PRIM2: variants seen among roughly 807,000 people sequenced by gnomAD.
PRIM2 encodes DNA primase subunit 2.
Under a neutral mutation model 67.3 loss-of-function variants are expected in PRIM2, and 39 were observed. The observed-to-expected ratio is 0.58, with a 90% CI of 0.45 to 0.76. PRIM2 has a LOEUF of 0.76. Among genes scored for constraint, PRIM2 ranks in the 30% least tolerant of loss-of-function variants. PRIM2 has a pLI of 0.00. For missense variants in PRIM2, 398 were observed against 598.7 expected, an observed-to-expected ratio of 0.66 and a Z score of 3.50; for synonymous variants, 143 against 198.7, an observed-to-expected ratio of 0.72 and a Z score of 2.36.
intron 7 of PRIM2, among the ~76,000 whole-genome samples, chr6:57,398,185 CTT>C (rs1770588781): frequency 6.6e-6 from 1 of 152,056 alleles, no homozygotes; most frequent in African/African-American, 2.4e-5. Context: ...GTCTCGATCT[CTT>C]GACCTCATGA....
At position 57,411,217 on chromosome 6, in the gene PRIM2, G is replaced by A. The variant is rs1301494608; in HGVS notation, c.693+29049G>A. On this transcript the variant is annotated intron_variant, in intron 7 of 13. Transcript: ENST00000615550. The stretch of plus-strand genomic sequence containing the variant: ...CCTCCATCAGTAAAAGCTCCCTGAG[G>A]CCTCCCCAGATGCAGATGTCGCTAT... 2.2e-4 allele frequency among the ~76,000 whole-genome samples: 33 copies of A among 152,006 alleles called. 1 individual carries two copies. The highest frequency in any genetic ancestry group is 2.0e-3 in the Admixed American group (30 of 15,254).
At chr6:57,494,214 C>T (rs1431836349) in intron 7 of PRIM2, among the ~76,000 whole-genome samples, 74 of 152,280 alleles carry the variant, frequency 4.9e-4, no homozygotes, top group Non-Finnish European at 9.0e-4. Context: ...CTACATCCTT[C>T]CTGCTTGCAG....
chr6:57,272,572 C>A, the PRIM2 span, among the ~76,000 whole-genome samples: 9 of 152,128 alleles, frequency 5.9e-5, no homozygotes, highest in Admixed American at 3.3e-4. Context: ...GTTCTTGACT[C>A]TTTATCCAAT....
chr6:57,285,000 T>C, the PRIM2 span, among the ~76,000 whole-genome samples: 4 of 151,394 alleles, frequency 2.6e-5, no homozygotes, highest in East Asian at 7.7e-4. Context: ...AACACCTCTA[T>C]GCAAATAAAC....
intron 7 of PRIM2, among the ~76,000 whole-genome samples, chr6:57,491,564 G>A (rs1773891129): frequency 6.6e-6 from 1 of 152,056 alleles, no homozygotes; most frequent in African/African-American, 2.4e-5. Flanking sequence ...ATTGCAGTAT[G>A]TATTTTTTAG....
intron 10 of PRIM2, among the ~76,000 whole-genome samples, chr6:57,562,184 A>C (rs1339899241): frequency 6.6e-6 from 1 of 152,178 alleles, no homozygotes; most frequent in Non-Finnish European, 1.5e-5. Context: ...CATAATAATA[A>C]AATATATAGA....
At chr6:57,377,855 A>G (rs1326190046) in intron 5 of PRIM2, among the ~76,000 whole-genome samples, 1 of 151,896 alleles carries the variant, frequency 6.6e-6, no homozygotes, top group Non-Finnish European at 1.5e-5. Context: ...ATTTAGTGAT[A>G]TAAAACAACA....
chr6:57,634,794 T>C (rs1777091909), intron 13 of PRIM2, among the ~76,000 whole-genome samples: 1 of 152,206 alleles, frequency 6.6e-6, no homozygotes, highest in African/African-American at 2.4e-5. Flanking sequence ...TGCCAATTTT[T>C]AAAACTTGCT....
In PRIM2 at chr6:57,474,609, G is replaced by T. The variant is rs1773430195; in HGVS notation, c.694-32778G>T. The stretch of plus-strand genomic sequence containing the variant: ...GTGGCGGGTATTCCTAAATGATGTT[G>T]CAAGAAGTTAAGCAGGGAGAATACT... On this transcript the variant is annotated intron_variant, in intron 7 of 13. Transcript: ENST00000615550. Among the ~76,000 whole-genome samples the T allele has an allele frequency of 3.3e-5, 5 of 151,966 alleles. No individual in the cohort carries two copies. In the South Asian group the frequency reaches 1.0e-3, roughly 32 times the overall value.
intron 12 of PRIM2, among the ~76,000 whole-genome samples, chr6:57,630,262 T>G (rs1388509773): frequency 6.6e-6 from 1 of 152,156 alleles, no homozygotes; most frequent in Non-Finnish European, 1.5e-5. Flanking sequence ...TGCAAGCAGA[T>G]TTTAAATAAA....
chr6:57,360,481 TA>T (rs1769160925), intron 5 of PRIM2, among the ~76,000 whole-genome samples: 1 of 152,148 alleles, frequency 6.6e-6, no homozygotes, highest in African/African-American at 2.4e-5. Context: ...TGAAAATAGA[TA>T]AAATAAAAAA....
intron 7 of PRIM2, among the ~76,000 whole-genome samples, chr6:57,413,427 T>C (rs1156827347): frequency 6.6e-6 from 1 of 151,668 alleles, no homozygotes; most frequent in African/African-American, 2.4e-5. Flanking sequence ...ATAAAATCCA[T>C]TGACCGAAAT....
intron 8 of PRIM2, among the ~76,000 whole-genome samples, chr6:57,528,638 T>C (rs1209756941): frequency 2.0e-5 from 3 of 152,218 alleles, no homozygotes; most frequent in Non-Finnish European, 2.9e-5. Context: ...TTCATATTTG[T>C]TTATTTGATC....
intron 10 of PRIM2, among the ~76,000 whole-genome samples, chr6:57,572,703 G>A (rs1272484397): frequency 0.01 from 1,575 of 152,324 alleles, 37 homozygotes; most frequent in South Asian, 0.077. Context: ...ACAGTTCACT[G>A]TCCAGATTGG....
intron 8 of PRIM2, among the ~76,000 whole-genome samples, chr6:57,519,679 G>T (rs1449807195): frequency 1.3e-5 from 2 of 152,134 alleles, no homozygotes; most frequent in African/African-American, 4.8e-5. Context: ...AATTATTACA[G>T]GGTCCTGAGG....
intron 10 of PRIM2, among the ~76,000 whole-genome samples, chr6:57,567,173 AT>A (rs1273792593): frequency 7.9e-5 from 12 of 152,322 alleles, no homozygotes; most frequent in Admixed American, 1.3e-4. Context: ...AGAAAAAAAA[AT>A]ATTGTAATAA....
chr6:57,612,840 G>A lies in PRIM2; in HGVS notation c.1230+6383G>A, dbSNP rs1214582098. Among the ~76,000 whole-genome samples, 189 of 147,768 alleles carry A rather than the reference G, an allele frequency of 1.3e-3. 1 individual carries two copies. Among genetic ancestry groups the A allele is most frequent in the Non-Finnish European group, 1.3e-4 (9 of 67,356 alleles). ...GACAGGGTCTTGCTCTGTCACGCAG[G>A]CTGGAGTGCAGTAGTGTGATCATAT... is the stretch of plus-strand genomic sequence containing the variant. On this transcript the variant is annotated intron_variant, in intron 12 of 13. Coordinates refer to ENST00000615550, the MANE Select transcript of PRIM2 (RefSeq NM_000947.5).
chr6:57,357,604 T>TG (rs1399872569), intron 5 of PRIM2, among the ~76,000 whole-genome samples: 1 of 151,862 alleles, frequency 6.6e-6, no homozygotes, highest in African/African-American at 2.4e-5. Flanking sequence ...GGCTTTTTTT[T>TG]TTTTTTTTGA....
intron 10 of PRIM2, among the ~76,000 whole-genome samples, chr6:57,591,129 G>T (rs1312570180): frequency 1.3e-5 from 2 of 152,198 alleles, no homozygotes; most frequent in Non-Finnish European, 2.9e-5. Flanking sequence ...TTAAAGGGAA[G>T]TATTTGGATC....
Sources: gnomAD v4.1 joint callset for allele counts (sites outside exome capture counted in the v4.1 genomes callset) on GRCh38, gnomAD v4.1.1 for gene constraint, MANE v1.5 for transcripts, NCBI Gene and HGNC (gene_info 2026-07-23, HGNC 2026-07-21) for gene names.